Variants in ATP11C observed in about 807,000 individuals in gnomAD.
ATP11C encodes ATPase phospholipid transporting 11C (ATP11C blood group).
Under a neutral mutation model 97.4 loss-of-function variants are expected in ATP11C, and 36 were observed. The ratio of observed to expected loss-of-function variants is 0.37; its 90% confidence interval spans 0.28 to 0.49. The LOEUF (loss-of-function observed/expected upper bound fraction) is 0.49, where lower values mean the gene tolerates loss of function less well. Among genes scored for constraint, ATP11C ranks in the 20% least tolerant of loss-of-function variants. The probability of loss-of-function intolerance (pLI) is 0.98; values close to 1 mark genes in which losing one functional copy is unlikely to be tolerated. For missense variants in ATP11C, 730 were observed against 824.6 expected (o/e 0.89, Z 1.40); for synonymous variants, 275 against 290.9 (o/e 0.95, Z 0.56).
In ATP11C at chrX:139,737,913, T is replaced by C. The variant is rs1202050958; in HGVS notation, c.3288+3A>G. On this transcript the variant is annotated splice_donor_region_variant and intron_variant, in intron 28 of 29. Transcript: ENST00000682941. ...CAGGTTGTAAGATAAACTTAGTTCT[T>C]ACCCTGGCACTTCTTCTTCTTACAT... The C allele has an allele frequency of 1.7e-6, 2 of 1,200,260 alleles. No homozygotes were observed. Among genetic ancestry groups the C allele is most frequent in the Non-Finnish European group, 2.2e-6 (2 of 890,014 alleles).
chrX:139,880,992 A>C (rs2084552816), intron 1 of ATP11C, among the ~76,000 whole-genome samples: 1 of 111,848 alleles, frequency 8.9e-6, no homozygotes, highest in Non-Finnish European at 1.9e-5. Flanking sequence ...TTGGGTTGCT[A>C]TGGCCCATAA....
At chrX:139,749,905 C>A (rs2081774409) in intron 24 of ATP11C, 120 bp downstream of exon 24, 2 of 737,242 alleles carry the variant, frequency 2.7e-6, no homozygotes, top group East Asian at 3.3e-5. Flanking sequence ...AAATTCCAAA[C>A]AGAACCATAT....
At chrX:139,757,919 C>T in intron 22 of ATP11C, 52 bp from the exon 23 acceptor site, 1 of 843,478 alleles carries the variant, frequency 1.2e-6, no homozygotes, top group Non-Finnish European at 1.7e-6. Context: ...AATCAACTTG[C>T]TAAACTAAAA....
In ATP11C at chrX:139,740,874, G is replaced by A. The variant is rs967488337; in HGVS notation, c.3134+117C>T. 37 of 441,026 alleles carry A rather than the reference G, an allele frequency of 8.4e-5. 1 individual carries two copies. In the East Asian group the frequency reaches 1.4e-3, roughly 16 times the overall value. The allele number at this position is 441,026 out of a possible 1,213,427, so 36.3% of individuals were successfully genotyped here. On this transcript the variant is annotated intron_variant, in intron 27 of 29. Coordinates refer to ENST00000682941, the MANE Select transcript of ATP11C (RefSeq NM_001353812.2). ...CCTTCAGGCCATTAATATTAAAGAC[G>A]TGTCATCTTATATAATTAAAATTTT...
chrX:139,791,849 T>C (rs1457448954), intron 12 of ATP11C, among the ~76,000 whole-genome samples: 1 of 111,682 alleles, frequency 9.0e-6, no homozygotes, highest in East Asian at 2.8e-4. Context: ...AAGACTCCTC[T>C]GTATCAGTAA....
chrX:139,755,279 G>C (rs1410564832), intron 23 of ATP11C, among the ~76,000 whole-genome samples: 1 of 111,795 alleles, frequency 8.9e-6, no homozygotes, highest in African/African-American at 3.3e-5. Flanking sequence ...GCTAACCAGT[G>C]AGGTGAAAGA....
At chrX:139,739,348 A>C (rs891478027) in intron 27 of ATP11C, among the ~76,000 whole-genome samples, 5 of 109,791 alleles carry the variant, frequency 4.6e-5, no homozygotes, top group African/African-American at 1.7e-4. Flanking sequence ...GCAGTAAAAA[A>C]TAAACACTAT....
At chrX:139,817,502 T>G (rs1229374996) in intron 3 of ATP11C, among the ~76,000 whole-genome samples, 2 of 112,750 alleles carry the variant, frequency 1.8e-5, no homozygotes, top group Non-Finnish European at 3.7e-5. Flanking sequence ...AGCCAGACTG[T>G]GCAGGGCCCT....
intron 23 of ATP11C, 30 bp from the exon 24 acceptor site, chrX:139,750,182 G>T (rs891629656): frequency 1.2e-5 from 14 of 1,138,261 alleles, no homozygotes; most frequent in Non-Finnish European, 1.7e-5. Flanking sequence ...AGGAAAGAAA[G>T]AAATTTCATG....
intron 1 of ATP11C, among the ~76,000 whole-genome samples, chrX:139,853,590 A>G (rs990611465): frequency 1.1e-4 from 12 of 110,005 alleles, no homozygotes; most frequent in Non-Finnish European, 2.3e-4. Flanking sequence ...CTTCTCCGTG[A>G]CCCTATAACA....
chrX:139,759,518 T>C (rs2081998349), intron 22 of ATP11C, among the ~76,000 whole-genome samples: 1 of 111,156 alleles, frequency 9.0e-6, no homozygotes, highest in African/African-American at 3.3e-5. Flanking sequence ...AGTTGAAAAG[T>C]GGCATTCTTT....
intron 1 of ATP11C, chrX:139,924,174 T>A (rs762594106): frequency 2.6e-6 from 1 of 385,730 alleles, no homozygotes; most frequent in Non-Finnish European, 5.2e-6. Context: ...AACCAGCAAG[T>A]GTTGACGCTA....
rs776742579 is a variant in ATP11C, at chrX:139,881,720, C to G, written c.27+50296G>C. 1.3e-4 allele frequency among the ~76,000 whole-genome samples: 15 copies of G among 112,172 alleles called. No homozygotes were observed. The East Asian group carries it at 4.2e-3, about 32-fold the overall frequency. On this transcript the variant is annotated intron_variant, in intron 1 of 29. Transcript: ENST00000682941. The stretch of plus-strand genomic sequence containing the variant: ...AAATCTCTTTGCTCTATGGAAATTT[C>G]TATTCTGGTAGTAGTTGTTGCATGA...
intron 1 of ATP11C, among the ~76,000 whole-genome samples, chrX:139,828,767 A>G (rs1164706520): frequency 8.9e-6 from 1 of 111,861 alleles, no homozygotes; most frequent in Non-Finnish European, 1.9e-5. Context: ...GTGAAGTAGG[A>G]TATGTCATGT....
intron 27 of ATP11C, among the ~76,000 whole-genome samples, chrX:139,739,714 C>T (rs903871035): frequency 9.0e-5 from 10 of 111,366 alleles, no homozygotes; most frequent in African/African-American, 2.9e-4. Context: ...GAAATGAGTT[C>T]GCTGGAAACA....
At chrX:139,931,911 C>T in intron 1 of ATP11C, 105 bp downstream of exon 1, 1 of 964,750 alleles carries the variant, frequency 1.0e-6, no homozygotes, top group Non-Finnish European at 1.4e-6. Flanking sequence ...GGTGGTGTCT[C>T]CCAGAGACGT....
intron 1 of ATP11C, among the ~76,000 whole-genome samples, chrX:139,911,034 G>C (rs1569490930): frequency 9.0e-6 from 1 of 110,954 alleles, no homozygotes. Flanking sequence ...TTAGAAAAAA[G>C]AAACAGGAGA....
chrX:139,797,531 A>G (rs2082826478), intron 10 of ATP11C, among the ~76,000 whole-genome samples: 1 of 111,433 alleles, frequency 9.0e-6, no homozygotes, highest in Non-Finnish European at 1.9e-5. Flanking sequence ...TTGACCACCA[A>G]TGCTCCCCCA....
At chrX:139,742,873 AAAAATATATATATAT>A (rs1314078230) in intron 26 of ATP11C, among the ~76,000 whole-genome samples, 1,863 of 26,343 alleles carry the variant, frequency 0.071, 20 homozygotes, top group Middle Eastern at 0.2. Context: ...TTAAAAAAAA[AAAAATATATATATAT>A]ATATATATAT....
Sources: allele counts gnomAD v4.1 joint callset (sites outside exome capture counted in the v4.1 genomes callset), GRCh38; gene constraint gnomAD v4.1.1; transcripts MANE v1.5; gene names NCBI Gene and HGNC (gene_info 2026-07-23, HGNC 2026-07-21).